NCKAP5: variants seen among roughly 807,000 people sequenced by gnomAD.
NCKAP5 encodes the protein NCK associated protein 5, also known as nck-associated protein 5.
In NCKAP5, 92 loss-of-function variants were observed where a neutral mutation model predicts 167.0. The ratio of observed to expected loss-of-function variants is 0.55; its 90% CI spans 0.47 to 0.66. The LOEUF (loss-of-function observed/expected upper bound fraction) is 0.66. NCKAP5 is among the 30% of genes least tolerant of loss of function. The pLI is 0.00. For missense variants in NCKAP5, 2,378 were observed against 2,315.0 expected, an observed-to-expected ratio of 1.03 and a Z score of -0.56; for synonymous variants, 891 against 877.4, an observed-to-expected ratio of 1.02 and a Z score of -0.27.
the NCKAP5 span, among the ~76,000 whole-genome samples, chr2:133,644,365 A>G: frequency 4.6e-5 from 7 of 152,190 alleles, no homozygotes; most frequent in Non-Finnish European, 8.8e-5. Flanking sequence ...TACTGACTCA[A>G]GATCTTGGGA....
At chr2:132,971,451 G>T in intron 7 of NCKAP5, among the ~76,000 whole-genome samples, 1 of 152,320 alleles carries the variant, frequency 6.6e-6, no homozygotes, top group East Asian at 1.9e-4. Context: ...AGGGAAATGA[G>T]AAGTCACTGA....
In NCKAP5 at chr2:133,323,898, C is replaced by T. The variant is rs185142140; in HGVS notation, c.70-20788G>A. Among the ~76,000 whole-genome samples the T allele has an allele frequency of 5.9e-4, 90 of 152,258 alleles. 2 individuals carry two copies. In the East Asian group the frequency reaches 0.015, roughly 26 times the overall value. ...GATCTCAGTTTCTCAGTATAAGAAC[C>T]ATTTTTCTCACCCAGGGCCTGGCAT... On this transcript the variant is annotated intron_variant, in intron 3 of 19. Coordinates refer to ENST00000409261, the MANE Select transcript of NCKAP5 (RefSeq NM_207363.3).
At chr2:132,965,904 T>TTGTGTGTGTGTGTGTGTGTGTG (rs60589235) in intron 7 of NCKAP5, among the ~76,000 whole-genome samples, 6 of 140,870 alleles carry the variant, frequency 4.3e-5, no homozygotes, top group African/African-American at 1.6e-4. Context: ...ACATGACTCT[T>TTGTGTGTGTGTGTGTGTGTGTG]TGTGTGTGTG....
intron 8 of NCKAP5, among the ~76,000 whole-genome samples, chr2:132,895,107 G>A (rs377531335): frequency 1.3e-4 from 19 of 151,896 alleles, no homozygotes; most frequent in East Asian, 9.7e-4. Flanking sequence ...CAAGGCGGGC[G>A]GATCACAAGG....
At chr2:133,220,477 G>C (rs2086615209) in intron 4 of NCKAP5, among the ~76,000 whole-genome samples, 1 of 152,058 alleles carries the variant, frequency 6.6e-6, no homozygotes. Flanking sequence ...ATTAGTTCCA[G>C]GTTTCTAAAG....
intron 5 of NCKAP5, among the ~76,000 whole-genome samples, chr2:133,146,270 A>C (rs2083193757): frequency 6.6e-6 from 1 of 152,086 alleles, no homozygotes; most frequent in Non-Finnish European, 1.5e-5. Context: ...CATCTAGATA[A>C]AATGGGAGGG....
At chr2:133,489,816 A>G (rs1681281320) in intron 3 of NCKAP5, among the ~76,000 whole-genome samples, 1 of 152,214 alleles carries the variant, frequency 6.6e-6, no homozygotes, top group Non-Finnish European at 1.5e-5. Flanking sequence ...GGACACGGTG[A>G]CAGAAATGTA....
At chr2:132,921,532 G>A (rs1440370355) in intron 8 of NCKAP5, among the ~76,000 whole-genome samples, 1 of 152,178 alleles carries the variant, frequency 6.6e-6, no homozygotes, top group African/African-American at 2.4e-5. Context: ...AATGCTGCTA[G>A]GACATGAGTA....
rs201005944 is a variant in NCKAP5, at chr2:132,723,642, C to T, written c.5713+1985G>A. Reference sequence around the variant, plus strand: ...GAGCACAAATTAAATTTTAAAAATTCAGTCTCTTACTTGCACTGGCTGCGT... The same window carrying T: ...GAGCACAAATTAAATTTTAAAAATTTAGTCTCTTACTTGCACTGGCTGCGT... On this transcript the variant is annotated intron_variant, in intron 19 of 19. Transcript: ENST00000409261. Among the ~76,000 whole-genome samples, 79 of 152,264 alleles carry T rather than the reference C, an allele frequency of 5.2e-4. 1 individual carries two copies. Among genetic ancestry groups the T allele is most frequent in the South Asian group, 3.5e-3 (17 of 4,828 alleles).
intron 16 of NCKAP5, among the ~76,000 whole-genome samples, chr2:132,771,654 T>A (rs1191619142): frequency 2.6e-5 from 4 of 151,150 alleles, no homozygotes; most frequent in African/African-American, 4.9e-5. Flanking sequence ...ACAGGTATAT[T>A]GTTGTTTATC....
intron 8 of NCKAP5, among the ~76,000 whole-genome samples, chr2:132,961,320 A>AT (rs1463163788): frequency 3.2e-5 from 4 of 123,254 alleles, no homozygotes; most frequent in African/African-American, 1.1e-4. Flanking sequence ...ATCTATATAT[A>AT]AGAAGATATA....
At chr2:132,791,479 T>C (rs1684065105) in intron 12 of NCKAP5, among the ~76,000 whole-genome samples, 2 of 152,218 alleles carry the variant, frequency 1.3e-5, no homozygotes. Context: ...AGGCCCCTCG[T>C]GTAACAGATG....
At chr2:133,315,163 T>G (rs763951793) in intron 3 of NCKAP5, among the ~76,000 whole-genome samples, 2 of 152,112 alleles carry the variant, frequency 1.3e-5, no homozygotes, top group Non-Finnish European at 2.9e-5. Context: ...TCCTTCTGGC[T>G]GCTGTTGACT....
At chr2:133,607,960 T>C in the NCKAP5 span, among the ~76,000 whole-genome samples, 3 of 152,202 alleles carry the variant, frequency 2.0e-5, no homozygotes, top group African/African-American at 7.2e-5. Context: ...CAATAACAAC[T>C]TACTGGTATT....
intron 5 of NCKAP5, among the ~76,000 whole-genome samples, chr2:133,180,794 T>A (rs1438878819): frequency 6.6e-6 from 1 of 152,096 alleles, no homozygotes; most frequent in Non-Finnish European, 1.5e-5. Context: ...GGCAACAATG[T>A]TTTTAATATC....
intron 7 of NCKAP5, among the ~76,000 whole-genome samples, chr2:132,975,807 C>A (rs545502638): frequency 6.6e-6 from 1 of 151,864 alleles, no homozygotes; most frequent in African/African-American, 2.4e-5. Context: ...AACCTCATAA[C>A]TTAAGGTTGA....
At chr2:132,958,962 A>C (rs1336801749) in intron 8 of NCKAP5, among the ~76,000 whole-genome samples, 1 of 150,412 alleles carries the variant, frequency 6.6e-6, no homozygotes, top group Non-Finnish European at 1.5e-5. Context: ...TGGGGTGGGG[A>C]CCAAAAAAAC....
intron 4 of NCKAP5, among the ~76,000 whole-genome samples, chr2:133,289,723 A>AAC (rs200679247): frequency 2.0e-5 from 2 of 98,552 alleles, no homozygotes; most frequent in African/African-American, 7.3e-5. Flanking sequence ...ACAAACAAAC[A>AAC]AACAAAAAAA....
intron 13 of NCKAP5, among the ~76,000 whole-genome samples, chr2:132,786,198 G>T (rs772545417): frequency 2.6e-5 from 4 of 152,218 alleles, no homozygotes; most frequent in Non-Finnish European, 5.9e-5. Context: ...TGTTTTCCAG[G>T]TGGGAGAAAT....
Sources: gnomAD v4.1 joint callset for allele counts (sites outside exome capture counted in the v4.1 genomes callset) on GRCh38, gnomAD v4.1.1 for gene constraint, MANE v1.5 for transcripts, NCBI Gene and HGNC (gene_info 2026-07-23, HGNC 2026-07-21) for gene names.